The following MACC1 variants were observed in gnomAD, a reference collection of about 807,000 sequenced individuals.
MACC1 encodes metastasis-associated in colon cancer protein 1.
Under a neutral mutation model 70.7 loss-of-function variants are expected in MACC1, and 79 were observed. That is an observed-to-expected ratio of 1.12 (90% CI 0.93 to 1.35). MACC1 has a LOEUF of 1.35. Ranked by LOEUF, MACC1 falls within the 40% of genes most tolerant of loss-of-function variation. The pLI is 0.00. For synonymous variants in MACC1, 361 were observed against 347.2 expected (o/e 1.04, Z -0.44); for missense variants, 1,106 against 978.1 (o/e 1.13, Z -1.74).
chr7:20,169,477 T>G (rs2128104167), intron 2 of MACC1, among the ~76,000 whole-genome samples: 1 of 152,304 alleles, frequency 6.6e-6, no homozygotes, highest in Middle Eastern at 3.4e-3. Flanking sequence ...AATAAAGCTG[T>G]AACTGTAGGG....
At chr7:20,176,595 A>C (rs563069162) in intron 1 of MACC1, among the ~76,000 whole-genome samples, 144 of 152,322 alleles carry the variant, frequency 9.5e-4, no homozygotes, top group Non-Finnish European at 1.9e-3. Flanking sequence ...AGAGAAATGA[A>C]AACTTATTTT....
At chr7:20,208,506 A>G (rs1433660286) in intron 1 of MACC1, among the ~76,000 whole-genome samples, 1 of 152,216 alleles carries the variant, frequency 6.6e-6, no homozygotes, top group Non-Finnish European at 1.5e-5. Context: ...GACTGGCAGC[A>G]TTTTGCCACT....
intron 1 of MACC1, among the ~76,000 whole-genome samples, chr7:20,197,218 G>A (rs1211261217): frequency 2.6e-5 from 4 of 152,152 alleles, no homozygotes; most frequent in Admixed American, 2.6e-4. Context: ...TTTTCCTAAA[G>A]TCAACAAGTC....
At chr7:20,195,700 T>C (rs914870405) in intron 1 of MACC1, among the ~76,000 whole-genome samples, 1 of 152,248 alleles carries the variant, frequency 6.6e-6, no homozygotes, top group Non-Finnish European at 1.5e-5. Context: ...GCTGTAGTTA[T>C]GGCTTGTGGA....
intron 1 of MACC1, among the ~76,000 whole-genome samples, chr7:20,210,853 T>C (rs948632992): frequency 2.0e-5 from 3 of 152,182 alleles, no homozygotes; most frequent in Admixed American, 1.3e-4. Flanking sequence ...CTTTCCCATA[T>C]TTTCTAAAGA....
At position 20,159,591 on chromosome 7, in the gene MACC1, G is replaced by C. The variant is rs143659230; in HGVS notation, c.770C>G (p.Pro257Arg). The C allele has an allele frequency of 6.8e-6, 11 of 1,614,104 alleles. No homozygotes were observed. The East Asian group carries it at 2.5e-4, about 36-fold the overall frequency. The stretch of plus-strand genomic sequence containing the variant: ...AAGATCATGGTTAAGCATGTGTGGC[G>C]GATCAAGGAAAGCCCTTAGAGACAC... ...QEVSLRAFLDPPHMLNHDLSC... is the reference protein window; with the variant it reads ...QEVSLRAFLDRPHMLNHDLSC... The change falls in exon 5 of 7, where the codon CCG becomes CGG. Residue 257 changes from proline to arginine, a missense_variant. Pro to Arg is a moderately radical substitution (Grantham distance 103). Transcript: ENST00000400331.
intron 1 of MACC1, among the ~76,000 whole-genome samples, chr7:20,209,563 A>G (rs1028893089): frequency 6.6e-6 from 1 of 152,206 alleles, no homozygotes. Context: ...CATTGTATCT[A>G]GGGAGTAACT....
In MACC1 at chr7:20,164,304, C is replaced by T. The variant is rs1450646223; in HGVS notation, c.-57G>A. 6.6e-6 allele frequency: 1 copy of T among 151,998 alleles called. No homozygotes were observed. Among genetic ancestry groups the T allele is most frequent in the Non-Finnish European group, 1.5e-5 (1 of 68,006 alleles). 9.4% of individuals were successfully genotyped at this position (151,998 alleles called of 1,614,324 possible). A position where few individuals can be genotyped will look rare whatever the true frequency, so the allele number is the denominator to read the frequency against. On this transcript the variant is annotated 5_prime_UTR_variant, in exon 3 of 7. Coordinates refer to ENST00000400331, the MANE Select transcript of MACC1 (RefSeq NM_182762.4). The stretch of plus-strand genomic sequence containing the variant: ...TGACCACATCTCGTTCACCTGTGAC[C>T]CCTCCTTCTTTATTGTTATACTCTT...
At chr7:20,151,834 C>T (rs896042237) in intron 6 of MACC1, among the ~76,000 whole-genome samples, 23 of 152,246 alleles carry the variant, frequency 1.5e-4, no homozygotes, top group Middle Eastern at 3.4e-3. Context: ...TTAACCCTGG[C>T]CGCACCTTCT....
intron 1 of MACC1, among the ~76,000 whole-genome samples, chr7:20,187,710 G>A (rs1583404086): frequency 6.6e-6 from 1 of 152,154 alleles, no homozygotes; most frequent in African/African-American, 2.4e-5. Flanking sequence ...TCAATTTGGG[G>A]TTGTTAACCC....
At position 20,135,651 on chromosome 7, in the gene MACC1, C is replaced by G. The variant is rs1041531374; in HGVS notation, c.*5295G>C. 1 of 152,264 alleles carries G rather than the reference C, an allele frequency of 6.6e-6. No individual in the cohort carries two copies. The highest frequency in any genetic ancestry group is 6.5e-5 in the Admixed American group (1 of 15,284). The allele number at this position is 152,264 out of a possible 1,614,324, so 9.4% of individuals were successfully genotyped here. On this transcript the variant is annotated 3_prime_UTR_variant, in exon 7 of 7. Transcript: ENST00000400331. ...CTGTTTCACCAAGCCCCCGCCAGAT[C>G]GTTTTGCTGCTGCTGAAGTTGAAGA...
intron 1 of MACC1, among the ~76,000 whole-genome samples, chr7:20,211,150 C>G (rs1357268483): frequency 6.6e-6 from 1 of 151,926 alleles, no homozygotes; most frequent in Non-Finnish European, 1.5e-5. Flanking sequence ...TCTCAGCTGT[C>G]CTAGATGGAA....
Position 20,135,930 on chromosome 7 carries a change from T to C in MACC1, c.*5016A>G, listed in dbSNP as rs974218466. The C allele has an allele frequency of 6.6e-6, 1 of 152,242 alleles. No homozygotes were observed. The highest frequency in any genetic ancestry group is 1.5e-5 in the Non-Finnish European group (1 of 68,040). 9.4% of individuals were successfully genotyped at this position (152,242 alleles called of 1,614,324 possible). On this transcript the variant is annotated 3_prime_UTR_variant, in exon 7 of 7. Coordinates refer to ENST00000400331, the MANE Select transcript of MACC1 (RefSeq NM_182762.4). ...TTGTAAGGTGCTTAGTGTGCTTATG[T>C]ATGTGTGCTAAATGTGCTATGCCTT...
At chr7:20,170,270 A>G (rs1384908555) in intron 2 of MACC1, 1 of 152,268 alleles carries the variant, frequency 6.6e-6, no homozygotes. Context: ...TACGTGAAAT[A>G]TATCTCAATA....
intron 1 of MACC1, among the ~76,000 whole-genome samples, chr7:20,189,793 A>AAG (rs533968483): frequency 4.0e-5 from 6 of 151,340 alleles, no homozygotes; most frequent in East Asian, 1.9e-4. Flanking sequence ...AGAGAGAAAA[A>AAG]AGAGAGAGAG....
At position 20,136,646 on chromosome 7, in the gene MACC1, T is replaced by A. The variant is rs998514809; in HGVS notation, c.*4300A>T. On this transcript the variant is annotated 3_prime_UTR_variant, in exon 7 of 7. Transcript: ENST00000400331. Reference sequence around the variant, plus strand: ...AAGAAACAAACCTTCGACATGCCATTTGATTCTGAAAAAATGTCTTTGGAT... The same window carrying A: ...AAGAAACAAACCTTCGACATGCCATATGATTCTGAAAAAATGTCTTTGGAT... The A allele has an allele frequency of 6.6e-6, 1 of 152,042 alleles. No homozygotes were observed. The highest frequency in any genetic ancestry group is 1.5e-5 in the Non-Finnish European group (1 of 68,006). 9.4% of individuals were successfully genotyped at this position (152,042 alleles called of 1,614,324 possible).
intron 2 of MACC1, among the ~76,000 whole-genome samples, chr7:20,167,728 C>A (rs1239376092): frequency 6.6e-6 from 1 of 151,996 alleles, no homozygotes; most frequent in Non-Finnish European, 1.5e-5. Context: ...TAGTATCAAG[C>A]CACAGTGTTG....
chr7:20,209,137 C>T (rs1431145811), intron 1 of MACC1, among the ~76,000 whole-genome samples: 1 of 152,174 alleles, frequency 6.6e-6, no homozygotes, highest in Non-Finnish European at 1.5e-5. Context: ...TCTACTAGGG[C>T]AGGGAAGAAG....
Position 20,169,919 on chromosome 7 carries a change from A to G in MACC1, c.-153+795T>C, listed in dbSNP as rs1782278563. On this transcript the variant is annotated intron_variant, in intron 2 of 6. Coordinates refer to ENST00000400331, the MANE Select transcript of MACC1 (RefSeq NM_182762.4). ...CTCCCTCCTGGTTATTCCAGTGCAT[A>G]TAGAAATAACTTTGCCAACTGGGCC... Among the ~76,000 whole-genome samples the G allele has an allele frequency of 2.6e-5, 4 of 152,312 alleles. No homozygotes were observed. In the South Asian group the frequency reaches 8.3e-4, roughly 32 times the overall value.
Sources: gnomAD v4.1 joint callset for allele counts (sites outside exome capture counted in the v4.1 genomes callset) on GRCh38, gnomAD v4.1.1 for gene constraint, MANE v1.5 for transcripts, NCBI Gene and HGNC (gene_info 2026-07-23, HGNC 2026-07-21) for gene names.